The following IFFO2 variants were observed in gnomAD, a reference collection of about 807,000 sequenced individuals.
The protein encoded by IFFO2 is intermediate filament family orphan 2.
A neutral mutation model predicts 53.5 loss-of-function variants in IFFO2; 19 were observed. The observed-to-expected ratio is 0.36, with a 90% CI of 0.25 to 0.52. The LOEUF (loss-of-function observed/expected upper bound fraction) is 0.52. Among genes scored for constraint, IFFO2 ranks in the 20% least tolerant of loss-of-function variants. IFFO2 has a pLI of 0.94. For missense variants in IFFO2, 570 were observed against 727.4 expected, an observed-to-expected ratio of 0.78 and a Z score of 2.49; for synonymous variants, 303 against 313.6, an observed-to-expected ratio of 0.97 and a Z score of 0.36.
intron 5 of IFFO2, among the ~76,000 whole-genome samples, chr1:18,913,553 C>T (rs1035797328): frequency 1.3e-5 from 2 of 152,244 alleles, no homozygotes; most frequent in Non-Finnish European, 1.5e-5. Context: ...GAGACCCACA[C>T]GTTCCCCCTC....
At chr1:18,949,987 GA>G (rs946183509) in intron 1 of IFFO2, among the ~76,000 whole-genome samples, 6 of 152,218 alleles carry the variant, frequency 3.9e-5, no homozygotes, top group African/African-American at 9.6e-5. Flanking sequence ...GAGGCTCTGA[GA>G]ATCGCTCCCA....
intron 8 of IFFO2, among the ~76,000 whole-genome samples, 182 bp from the exon 9 acceptor site, chr1:18,908,848 C>A (rs1935990196): frequency 1.3e-5 from 2 of 152,148 alleles, no homozygotes; most frequent in African/African-American, 4.8e-5. Flanking sequence ...CCCCCTGCAC[C>A]AGCCCCTACT....
intron 1 of IFFO2, among the ~76,000 whole-genome samples, chr1:18,952,210 T>C (rs915335244): frequency 6.6e-6 from 1 of 152,166 alleles, no homozygotes; most frequent in African/African-American, 2.4e-5. Flanking sequence ...AGATGTTTGT[T>C]TTGGTTTCCA....
Position 18,906,278 on chromosome 1 carries a change from C to T in IFFO2, c.*2283G>A, listed in dbSNP as rs531083284. On this transcript the variant is annotated 3_prime_UTR_variant, in exon 9 of 9. Coordinates refer to ENST00000455833, the MANE Select transcript of IFFO2 (RefSeq NM_001136265.2). ...TACCCTAGTCCTCAAAGACAAATGA[C>T]CTATGTATACAAGGAGGAAAGTAAA... 1 of 152,296 alleles carries T rather than the reference C, an allele frequency of 6.6e-6. No homozygotes were observed. Among genetic ancestry groups the T allele is most frequent in the South Asian group, 2.1e-4 (1 of 4,824 alleles). 9.4% of individuals were successfully genotyped at this position (152,296 alleles called of 1,614,324 possible).
Position 18,919,520 on chromosome 1 carries a change from C to CTCCGATGCA in IFFO2, c.822+149_822+157dup, listed in dbSNP as rs1399123261. 6.6e-6 allele frequency among the ~76,000 whole-genome samples: 1 copy of CTCCGATGCA among 152,118 alleles called. No individual in the cohort carries two copies. Among genetic ancestry groups the CTCCGATGCA allele is most frequent in the African/African-American group, 2.4e-5 (1 of 41,438 alleles). On this transcript the variant is annotated intron_variant, in intron 3 of 8. Transcript: ENST00000455833. This position sits in a 1 kb window ranked among gnomAD's most constrained non-coding sequence, Gnocchi z 4.9. Reference sequence around the variant, plus strand: ...AGGGGGCGGGAGGAGGGTGCCTGGTCTCCGATGCATCCAATGCATCCGTCA... The same window carrying CTCCGATGCA: ...AGGGGGCGGGAGGAGGGTGCCTGGTCTCCGATGCATCCGATGCATCCAATGCATCCGTCA...
chr1:18,943,825 G>A (rs1441157779), intron 1 of IFFO2, among the ~76,000 whole-genome samples: 1 of 152,210 alleles, frequency 6.6e-6, no homozygotes, highest in Admixed American at 6.5e-5. Flanking sequence ...TGTAGGTGGA[G>A]GGAGCTTCAT....
At chr1:18,952,682 G>A (rs574522785) in intron 1 of IFFO2, among the ~76,000 whole-genome samples, 1 of 152,298 alleles carries the variant, frequency 6.6e-6, no homozygotes, top group South Asian at 2.1e-4. Context: ...GCAGGTCAGT[G>A]ATTACCTGGG....
chr1:18,916,228 T>C lies in IFFO2; in HGVS notation c.1103+675A>G, dbSNP rs1936131213. On this transcript the variant is annotated intron_variant, in intron 5 of 8. Coordinates refer to ENST00000455833, the MANE Select transcript of IFFO2 (RefSeq NM_001136265.2). The surrounding 1 kb of genome is among the most constrained non-coding windows in gnomAD (Gnocchi z 4.3). ...TCCAGAGAGAGGACAGCCCAGCCCC[T>C]GTATCTCATGGGCAAGAACACCCCT... is the stretch of plus-strand genomic sequence containing the variant. Among the ~76,000 whole-genome samples, 1 of 152,102 alleles carries C rather than the reference T, an allele frequency of 6.6e-6. No homozygotes were observed. The highest frequency in any genetic ancestry group is 2.1e-4 in the South Asian group (1 of 4,812).
chr1:18,923,090 G>A (rs1936237030), intron 1 of IFFO2, among the ~76,000 whole-genome samples: 1 of 152,234 alleles, frequency 6.6e-6, no homozygotes, highest in East Asian at 1.9e-4. Flanking sequence ...AGCAGGGCAG[G>A]TGCAAGGGCG....
At chr1:18,923,239 G>A (rs1284214959) in intron 1 of IFFO2, among the ~76,000 whole-genome samples, 1 of 152,190 alleles carries the variant, frequency 6.6e-6, no homozygotes, top group Non-Finnish European at 1.5e-5. Flanking sequence ...AGGCACCCAG[G>A]GGCACCTCCC....
At chr1:18,925,408 C>T (rs72645633) in intron 1 of IFFO2, among the ~76,000 whole-genome samples, 214 of 152,330 alleles carry the variant, frequency 1.4e-3, no homozygotes, top group Non-Finnish European at 2.8e-3. Context: ...GTTGTGGGAT[C>T]CCACGGCACA....
At chr1:18,937,583 A>G (rs1410997817) in intron 1 of IFFO2, among the ~76,000 whole-genome samples, 1 of 152,220 alleles carries the variant, frequency 6.6e-6, no homozygotes, top group Non-Finnish European at 1.5e-5. Flanking sequence ...GAAATGGAGC[A>G]AAGCCTCCCA....
At position 18,936,117 on chromosome 1, in the gene IFFO2, C is replaced by T. The variant is rs983837726; in HGVS notation, c.666-14996G>A. ...ATAAATATTCACTGGATTAAAAAGGCCCAGTAAGTGTCATCTCCAGGGCCT... is the reference window on the plus strand; with the variant it reads ...ATAAATATTCACTGGATTAAAAAGGTCCAGTAAGTGTCATCTCCAGGGCCT... On this transcript the variant is annotated intron_variant, in intron 1 of 8. Transcript: ENST00000455833. This position sits in a 1 kb window ranked among gnomAD's most constrained non-coding sequence, Gnocchi z 4.5. 7.9e-5 allele frequency among the ~76,000 whole-genome samples: 12 copies of T among 152,104 alleles called. No individual in the cohort carries two copies. The highest frequency in any genetic ancestry group is 2.9e-4 in the African/African-American group (12 of 41,406).
Position 18,904,418 on chromosome 1 carries a change from C to T in IFFO2, c.*4143G>A, listed in dbSNP as rs931108735. 32 of 152,218 alleles carry T rather than the reference C, an allele frequency of 2.1e-4. No homozygotes were observed. Among genetic ancestry groups the T allele is most frequent in the Admixed American group, 1.8e-3 (28 of 15,286 alleles). 9.4% of individuals were successfully genotyped at this position (152,218 alleles called of 1,614,324 possible). On this transcript the variant is annotated 3_prime_UTR_variant, in exon 9 of 9. Transcript: ENST00000455833. ...TTCCATGAGTATAAATCCCCCCCTT[C>T]CCTGTGATGCTAGACCCAGCTGGCA...
intron 1 of IFFO2, among the ~76,000 whole-genome samples, chr1:18,953,470 C>G (rs1936682932): frequency 6.6e-6 from 1 of 152,090 alleles, no homozygotes; most frequent in Non-Finnish European, 1.5e-5. Flanking sequence ...GTATTAACGT[C>G]TTAATGTTCT....
At chr1:18,942,035 G>A (rs573934622) in intron 1 of IFFO2, among the ~76,000 whole-genome samples, 10 of 152,336 alleles carry the variant, frequency 6.6e-5, no homozygotes, top group East Asian at 1.9e-4. Flanking sequence ...CGGCTCTACC[G>A]GGGAGAGGAA....
Position 18,949,120 on chromosome 1 carries a change from C to T in IFFO2, c.665+6548G>A, listed in dbSNP as rs139307198. Among the ~76,000 whole-genome samples, 442 of 152,378 alleles carry T rather than the reference C, an allele frequency of 2.9e-3. 3 individuals carry two copies. The highest frequency in any genetic ancestry group is 6.3e-3 in the Admixed American group (97 of 15,310). ...AAGTGCAGGCCCTCCCCTCCACAAA[C>T]AGCCGAATCCCTGGACGTGGTCTGT... On this transcript the variant is annotated intron_variant, in intron 1 of 8. Coordinates refer to ENST00000455833, the MANE Select transcript of IFFO2 (RefSeq NM_001136265.2).
intron 1 of IFFO2, among the ~76,000 whole-genome samples, chr1:18,949,137 G>A (rs942543918): frequency 9.2e-5 from 14 of 152,214 alleles, no homozygotes; most frequent in African/African-American, 2.2e-4. Context: ...ATCCCTGGAC[G>A]TGGTCTGTGT....
chr1:18,955,603 C>A, intron 1 of IFFO2, 65 bp downstream of exon 1: 1 of 1,497,096 alleles, frequency 6.7e-7, no homozygotes, highest in Non-Finnish European at 8.9e-7. Flanking sequence ...CCCGCATACG[C>A]ATTCCGCGGC....
Sources: gnomAD v4.1 joint callset for allele counts (sites outside exome capture counted in the v4.1 genomes callset) on GRCh38, gnomAD v4.1.1 for gene constraint, Gnocchi (gnomAD v3.1) non-coding constraint, MANE v1.5 for transcripts, NCBI Gene and HGNC (gene_info 2026-07-23, HGNC 2026-07-21) for gene names.